Variants in UGT1A9 observed in about 807,000 individuals in gnomAD.
UGT1A9 encodes UDP-glucuronosyltransferase 1A9.
Under a neutral mutation model 45.0 loss-of-function variants are expected in UGT1A9, and 35 were observed. The observed-to-expected ratio is 0.78, with a 90% CI of 0.59 to 1.03. The LOEUF (loss-of-function observed/expected upper bound fraction) is 1.03, where lower values mean the gene tolerates loss of function less well. UGT1A9 is among the 50% of genes least tolerant of loss of function. The pLI is 0.00. For synonymous variants in UGT1A9, 278 were observed against 250.6 expected (o/e 1.11, Z -1.03); for missense variants, 687 against 666.6 (o/e 1.03, Z -0.34).
At chr2:233,696,554 T>C (rs2075349375) in intron 1 of UGT1A9, among the ~76,000 whole-genome samples, 1 of 152,236 alleles carries the variant, frequency 6.6e-6, no homozygotes, top group African/African-American at 2.4e-5. Context: ...GAATATATTA[T>C]GTCATCTGAG....
intron 1 of UGT1A9, among the ~76,000 whole-genome samples, chr2:233,680,538 CCT>C (rs2074489772): frequency 6.6e-6 from 1 of 152,046 alleles, no homozygotes; most frequent in Non-Finnish European, 1.5e-5. Context: ...CTGTTGAATC[CCT>C]CACGAAATGC....
At chr2:233,695,130 C>CTTTCTTTTTTTTTTTTTTT (rs1364557158) in intron 1 of UGT1A9, among the ~76,000 whole-genome samples, 1 of 138,838 alleles carries the variant, frequency 7.2e-6, no homozygotes. Flanking sequence ...CTTTTCTTTT[C>CTTTCTTTTTTTTTTTTTTT]TTTTTTTTTT....
At chr2:233,721,843 C>A (rs2076975309) in intron 1 of UGT1A9, 2 of 515,272 alleles carry the variant, frequency 3.9e-6, no homozygotes, top group Non-Finnish European at 3.9e-6. Context: ...ACCTTGTGTC[C>A]AGCCCCACTG....
At chr2:233,692,927 T>G in intron 1 of UGT1A9, 2 of 1,581,200 alleles carry the variant, frequency 1.3e-6, no homozygotes, top group Admixed American at 3.6e-5. Context: ...GTGGTTAGTT[T>G]AGGGAAAATA....
intron 1 of UGT1A9, among the ~76,000 whole-genome samples, chr2:233,757,565 T>C (rs1696654647): frequency 7.0e-6 from 1 of 141,992 alleles, no homozygotes; most frequent in African/African-American, 2.7e-5. Flanking sequence ...TATATATGTA[T>C]ATATGATATA....
chr2:233,702,349 GT>G (rs545005076), intron 1 of UGT1A9, among the ~76,000 whole-genome samples: 17 of 151,212 alleles, frequency 1.1e-4, no homozygotes, highest in Middle Eastern at 3.4e-3. Flanking sequence ...TGTTCTAATA[GT>G]TTTTTTTTAG....
At chr2:233,756,596 T>C (rs985647767) in intron 1 of UGT1A9, among the ~76,000 whole-genome samples, 4 of 152,230 alleles carry the variant, frequency 2.6e-5, no homozygotes, top group African/African-American at 7.2e-5. Context: ...CTATTTACTG[T>C]ATCGAAACCA....
At chr2:233,680,095 A>ATCT (rs1184661454) in intron 1 of UGT1A9, among the ~76,000 whole-genome samples, 38 of 152,088 alleles carry the variant, frequency 2.5e-4, no homozygotes, top group Non-Finnish European at 5.0e-4. Flanking sequence ...ATGGCAGGCA[A>ATCT]TCATAGCGGC....
chr2:233,723,516 CTTTTTTTTT>C (rs1162916866), intron 1 of UGT1A9, among the ~76,000 whole-genome samples: 2 of 85,406 alleles, frequency 2.3e-5, no homozygotes, highest in East Asian at 3.2e-4. Context: ...GGTCAACAAT[CTTTTTTTTT>C]TTTTTTTTTT....
At position 233,672,653 on chromosome 2, in the gene UGT1A9, C is replaced by G. The variant is rs561534651; in HGVS notation, c.719C>G (p.Thr240Arg). 1.2e-6 allele frequency: 2 copies of G among 1,613,786 alleles called. No homozygotes were observed. Among genetic ancestry groups the G allele is most frequent in the African/African-American group, 2.7e-5 (2 of 74,896 alleles). ...TCTGAAATTCTCCAAACACCTGTTACGGAGTATGATCTCTACAGCCACACA... is the reference window on the plus strand; with the variant it reads ...TCTGAAATTCTCCAAACACCTGTTAGGGAGTATGATCTCTACAGCCACACA... ...IASEILQTPV[T>R]EYDLYSHTSI... is the part of the protein sequence containing the mutation. Residue 240 changes from threonine to arginine, a missense_variant, in exon 1 of 5, where the codon ACG (threonine) becomes AGG (arginine). Physicochemically the swap from Thr to Arg is moderately conservative, Grantham distance 71. Coordinates refer to ENST00000354728, the MANE Select transcript of UGT1A9 (RefSeq NM_021027.3).
chr2:233,748,418 A>G (rs1693939912), intron 1 of UGT1A9, among the ~76,000 whole-genome samples: 1 of 151,750 alleles, frequency 6.6e-6, no homozygotes, highest in African/African-American at 2.4e-5. Context: ...TTGAGACTTG[A>G]CCCATCTGGA....
At position 233,671,902 on chromosome 2, in the gene UGT1A9, T is replaced by G. The variant is rs377206386; in HGVS notation, c.-33T>G. On this transcript the variant is annotated 5_prime_UTR_variant, in exon 1 of 5. It adds an upstream start codon to the 5' untranslated region. Coordinates refer to ENST00000354728, the MANE Select transcript of UGT1A9 (RefSeq NM_021027.3). ...CCTACTGTATCATAGGAGCTTAGAT[T>G]CCCAGCTGCTTGCTCTCAGCTGCAG... 234 of 1,575,526 alleles carry G rather than the reference T, an allele frequency of 1.5e-4. No homozygotes were observed. The African/African-American group carries it at 2.8e-3, about 19-fold the overall frequency.
At chr2:233,693,927 A>T in intron 1 of UGT1A9, 1 of 1,608,872 alleles carries the variant, frequency 6.2e-7, no homozygotes, top group East Asian at 2.2e-5. Flanking sequence ...TCCCTCACTC[A>T]TTTGGCTCCT....
chr2:233,714,390 A>G (rs994854711), intron 1 of UGT1A9, among the ~76,000 whole-genome samples: 23 of 152,218 alleles, frequency 1.5e-4, no homozygotes, highest in Non-Finnish European at 2.6e-4. Context: ...AATTGGGCCA[A>G]TGTAGGTGCA....
chr2:233,729,640 T>C, intron 1 of UGT1A9: 1 of 1,613,966 alleles, frequency 6.2e-7, no homozygotes, highest in East Asian at 2.2e-5. Flanking sequence ...TACTGTGTTT[T>C]TTTTGAGGAA....
At chr2:233,716,520 C>G (rs2076508094) in intron 1 of UGT1A9, among the ~76,000 whole-genome samples, 1 of 152,162 alleles carries the variant, frequency 6.6e-6, no homozygotes, top group Non-Finnish European at 1.5e-5. Flanking sequence ...CTCAGCTTAC[C>G]ATTCAATTAT....
At chr2:233,721,643 G>A (rs953438688) in intron 1 of UGT1A9, 2 of 207,656 alleles carry the variant, frequency 9.6e-6, no homozygotes, top group Non-Finnish European at 2.0e-5. Context: ...TCTTGAATGT[G>A]GCAGTGGGGG....
intron 1 of UGT1A9, chr2:233,693,374 A>C: frequency 1.2e-6 from 2 of 1,614,180 alleles, no homozygotes; most frequent in Non-Finnish European, 1.7e-6. Flanking sequence ...CCTGTACTTC[A>C]TCAACTGCCA....
Position 233,772,832 on chromosome 2 carries a change from C to CACACAAGAAAGCCAGCAAGG in UGT1A9, c.*273_*274insACACAAGAAAGCCAGCAAGG. On this transcript the variant is annotated 3_prime_UTR_variant, in exon 5 of 5. Coordinates refer to ENST00000354728, the MANE Select transcript of UGT1A9 (RefSeq NM_021027.3). ...GAGGACGTGCAGACAGGCTGGCATT[C>CACACAAGAAAGCCAGCAAGG]TAGATTACTTTTCTTACTCTGAAAC... is the stretch of plus-strand genomic sequence containing the variant. 1 of 899,520 alleles carries CACACAAGAAAGCCAGCAAGG rather than the reference C, an allele frequency of 1.1e-6. No individual in the cohort carries two copies. The highest frequency in any genetic ancestry group is 1.5e-6 in the Non-Finnish European group (1 of 646,890). The allele number at this position is 899,520 out of a possible 1,614,324, so 55.7% of individuals were successfully genotyped here. A position where few individuals can be genotyped will look rare whatever the true frequency, so the allele number is the denominator to read the frequency against.
Sources: gnomAD v4.1 joint callset for allele counts (sites outside exome capture counted in the v4.1 genomes callset) on GRCh38, gnomAD v4.1.1 for gene constraint, MANE v1.5 for transcripts, NCBI Gene and HGNC (gene_info 2026-07-23, HGNC 2026-07-21) for gene names.